Variants in EXT1 observed in about 807,000 individuals in gnomAD.
The protein encoded by EXT1 is exostosin-1.
Under a neutral mutation model 82.5 loss-of-function variants are expected in EXT1, and 20 were observed. The ratio of observed to expected loss-of-function variants is 0.24; its 90% CI spans 0.17 to 0.35. The LOEUF (loss-of-function observed/expected upper bound fraction) is 0.35. Among genes scored for constraint, EXT1 ranks in the 10% least tolerant of loss-of-function variants. The pLI is 1.00. For synonymous variants in EXT1, 348 were observed against 350.8 expected, an observed-to-expected ratio of 0.99 and a Z score of 0.09; for missense variants, 757 against 936.5, an observed-to-expected ratio of 0.81 and a Z score of 2.50.
intron 1 of EXT1, among the ~76,000 whole-genome samples, chr8:118,017,296 T>C (rs1443587093): frequency 4.6e-5 from 7 of 152,184 alleles, no homozygotes; most frequent in Non-Finnish European, 4.4e-5. Context: ...GGGTTAATAA[T>C]AGAACACTAT....
In EXT1 at chr8:118,065,256, T is replaced by C. The variant is rs113732384; in HGVS notation, c.962+44829A>G. The stretch of plus-strand genomic sequence containing the variant: ...ATGACCCATGATGATAAGCTTTTTT[T>C]CATATGTTTGTTGGTCGCATAAATG... On this transcript the variant is annotated intron_variant, in intron 1 of 10. Coordinates refer to ENST00000378204, the MANE Select transcript of EXT1 (RefSeq NM_000127.3). Among the ~76,000 whole-genome samples the C allele has an allele frequency of 3.7e-4, 57 of 152,320 alleles. 1 individual carries two copies. The highest frequency in any genetic ancestry group is 2.3e-3 in the South Asian group (11 of 4,826).
chr8:118,061,887 C>CT (rs1304812694), intron 1 of EXT1, among the ~76,000 whole-genome samples: 1 of 152,178 alleles, frequency 6.6e-6, no homozygotes, highest in Non-Finnish European at 1.5e-5. Context: ...AGCAAAGACA[C>CT]TATCTCCGTT....
intron 1 of EXT1, among the ~76,000 whole-genome samples, chr8:118,038,285 C>T (rs1319183767): frequency 6.6e-6 from 1 of 152,130 alleles, no homozygotes; most frequent in African/African-American, 2.4e-5. Context: ...GGGTAAATGA[C>T]TAAAATAACA....
chr8:118,032,194 G>T (rs1466574195), intron 1 of EXT1, among the ~76,000 whole-genome samples: 2 of 150,378 alleles, frequency 1.3e-5, no homozygotes, highest in African/African-American at 4.9e-5. Context: ...ATTAACTTGG[G>T]TTTCTTTTAA....
chr8:117,821,656 A>G (rs1198175866), intron 5 of EXT1, among the ~76,000 whole-genome samples: 1 of 152,178 alleles, frequency 6.6e-6, no homozygotes, highest in African/African-American at 2.4e-5. Flanking sequence ...GTACAACTTA[A>G]AAGGGTGAGG....
At chr8:117,827,784 CAAAAAAAAA>C (rs768731740) in intron 4 of EXT1, among the ~76,000 whole-genome samples, 37 of 54,140 alleles carry the variant, frequency 6.8e-4, no homozygotes, top group East Asian at 6.4e-3. Context: ...GACTCTGTCT[CAAAAAAAAA>C]AAAAAAAAAA....
chr8:117,809,218 A>AACATATAT lies in EXT1; in HGVS notation c.1723-1842_1723-1841insATATATGT, dbSNP rs71569748. The stretch of plus-strand genomic sequence containing the variant: ...GTATATATATGTGTGTGTGTGTATA[A>AACATATAT]ATATATATATATATATATATATATA... On this transcript the variant is annotated intron_variant, in intron 8 of 10. Coordinates refer to ENST00000378204, the MANE Select transcript of EXT1 (RefSeq NM_000127.3). Among the ~76,000 whole-genome samples the AACATATAT allele has an allele frequency of 1.9e-4, 20 of 107,936 alleles. 1 individual carries two copies. The highest frequency in any genetic ancestry group is 9.1e-4 in the South Asian group (3 of 3,294). The allele number at this position is 107,936 out of a possible 152,430, so 70.8% of individuals were successfully genotyped here.
chr8:117,830,894 A>C (rs998064493), intron 3 of EXT1, among the ~76,000 whole-genome samples: 1 of 152,048 alleles, frequency 6.6e-6, no homozygotes, highest in African/African-American at 2.4e-5. Context: ...TCTGCTCCCT[A>C]TATCTCTCTT....
At chr8:118,073,953 C>A (rs1817154694) in intron 1 of EXT1, among the ~76,000 whole-genome samples, 1 of 152,108 alleles carries the variant, frequency 6.6e-6, no homozygotes. Context: ...GAGGAGGGTT[C>A]GCCTGGAACC....
intron 1 of EXT1, among the ~76,000 whole-genome samples, chr8:117,954,926 T>C (rs573811690): frequency 6.6e-6 from 1 of 152,262 alleles, no homozygotes; most frequent in South Asian, 2.1e-4. Context: ...GCCACAAGAT[T>C]ATCCCTCACT....
chr8:117,969,418 A>G (rs1416076596), intron 1 of EXT1, among the ~76,000 whole-genome samples: 1 of 152,210 alleles, frequency 6.6e-6, no homozygotes, highest in Non-Finnish European at 1.5e-5. Context: ...AATGTCAACC[A>G]CAGCCTTGAG....
chr8:118,087,952 A>AC (rs1428658086), intron 1 of EXT1, among the ~76,000 whole-genome samples: 6 of 151,958 alleles, frequency 3.9e-5, no homozygotes, highest in Non-Finnish European at 8.8e-5. Context: ...AAAAAAAAAA[A>AC]AAAAAAAATC....
intron 1 of EXT1, among the ~76,000 whole-genome samples, chr8:117,888,947 C>T (rs1406064804): frequency 6.6e-6 from 1 of 152,174 alleles, no homozygotes; most frequent in African/African-American, 2.4e-5. Context: ...GATGCAAAAA[C>T]CTAATCTGAT....
chr8:117,808,291 A>G (rs1288353543), intron 8 of EXT1, among the ~76,000 whole-genome samples: 1 of 152,240 alleles, frequency 6.6e-6, no homozygotes, highest in African/African-American at 2.4e-5. Context: ...ATAATACAAC[A>G]GGTGCAGCTA....
chr8:117,816,294 A>C (rs774864943), intron 7 of EXT1, among the ~76,000 whole-genome samples: 14 of 152,216 alleles, frequency 9.2e-5, no homozygotes, highest in Non-Finnish European at 1.9e-4. Flanking sequence ...TCATAAGATT[A>C]TGATGCCTCC....
intron 1 of EXT1, among the ~76,000 whole-genome samples, chr8:118,049,851 C>T (rs1022324035): frequency 1.3e-5 from 2 of 151,860 alleles, no homozygotes; most frequent in African/African-American, 4.8e-5. Context: ...GCCCCACGAC[C>T]GCCAGGGCTC....
At chr8:117,910,978 T>A (rs1813636055) in intron 1 of EXT1, among the ~76,000 whole-genome samples, 3 of 152,162 alleles carry the variant, frequency 2.0e-5, no homozygotes, top group Admixed American at 2.0e-4. Context: ...GCCAGAAGGA[T>A]CAAGGTGAAG....
At chr8:118,045,395 G>A (rs1816606191) in intron 1 of EXT1, among the ~76,000 whole-genome samples, 1 of 152,112 alleles carries the variant, frequency 6.6e-6, no homozygotes, top group African/African-American at 2.4e-5. Flanking sequence ...AAAGACAGAT[G>A]GGATGGTAGC....
intron 1 of EXT1, among the ~76,000 whole-genome samples, chr8:118,067,817 C>G (rs1391599448): frequency 2.6e-5 from 4 of 152,196 alleles, no homozygotes; most frequent in Admixed American, 6.5e-5. Flanking sequence ...TGTGTTGATT[C>G]ATGATTCATA....
Sources: allele counts gnomAD v4.1 joint callset (sites outside exome capture counted in the v4.1 genomes callset), GRCh38; gene constraint gnomAD v4.1.1; transcripts MANE v1.5; gene names NCBI Gene and HGNC (gene_info 2026-07-23, HGNC 2026-07-21).